Variants in L2HGDH observed in about 807,000 individuals in gnomAD.
The protein encoded by L2HGDH is L-2-hydroxyglutarate dehydrogenase, mitochondrial.
In L2HGDH, 34 loss-of-function variants were observed where a neutral mutation model predicts 51.5. The observed-to-expected ratio is 0.66, with a 90% CI of 0.50 to 0.88. The LOEUF is 0.88. Among genes scored for constraint, L2HGDH ranks in the 40% least tolerant of loss-of-function variants. The pLI is 0.00. For synonymous variants in L2HGDH, 198 were observed against 197.9 expected (o/e 1.00, Z -0.01); for missense variants, 558 against 571.9 (o/e 0.98, Z 0.25).
At chr14:50,303,575 A>C (rs755142228) in intron 1 of L2HGDH, among the ~76,000 whole-genome samples, 2 of 150,010 alleles carry the variant, frequency 1.3e-5, no homozygotes, top group Non-Finnish European at 3.0e-5. Flanking sequence ...TTAGGAGTTC[A>C]AGACCAGCCC....
intron 9 of L2HGDH, among the ~76,000 whole-genome samples, chr14:50,264,810 T>C (rs142075741): frequency 5.9e-5 from 9 of 151,766 alleles, no homozygotes; most frequent in African/African-American, 9.7e-5. Context: ...TAAAATAATA[T>C]GTACAATAAA....
At chr14:50,286,377 T>C (rs144258231) in intron 4 of L2HGDH, among the ~76,000 whole-genome samples, 1 of 152,064 alleles carries the variant, frequency 6.6e-6, no homozygotes, top group African/African-American at 2.4e-5. Flanking sequence ...AAAAGAGTTA[T>C]CCTCCCAAGT....
At chr14:50,309,886 C>T (rs542673585) in intron 1 of L2HGDH, among the ~76,000 whole-genome samples, 3 of 151,886 alleles carry the variant, frequency 2.0e-5, no homozygotes, top group Non-Finnish European at 4.4e-5. Flanking sequence ...GGGGTTTTGC[C>T]GTCTCCCTTT....
At chr14:50,305,074 G>A (rs1435096364) in intron 1 of L2HGDH, among the ~76,000 whole-genome samples, 3 of 152,134 alleles carry the variant, frequency 2.0e-5, no homozygotes, top group Non-Finnish European at 2.9e-5. Flanking sequence ...GGCTGTATCT[G>A]GAACCAGAAA....
At chr14:50,292,950 G>A (rs779328054) in intron 4 of L2HGDH, among the ~76,000 whole-genome samples, 2 of 151,916 alleles carry the variant, frequency 1.3e-5, no homozygotes, top group African/African-American at 2.4e-5. Flanking sequence ...CTTGCACTTT[G>A]GGAGGCCAAA....
At chr14:50,299,977 A>C (rs2030308804) in intron 3 of L2HGDH, 1 of 152,228 alleles carries the variant, frequency 6.6e-6, no homozygotes, top group African/African-American at 2.4e-5. Context: ...AAAGATAAAT[A>C]CTGCGTGATC....
At chr14:50,278,655 T>C (rs1890101946) in intron 5 of L2HGDH, 101 bp from the exon 6 acceptor site, 9 of 688,530 alleles carry the variant, frequency 1.3e-5, no homozygotes, top group Non-Finnish European at 2.1e-5. Flanking sequence ...TTTCTGTCAT[T>C]ACTATGATTG....
chr14:50,261,169 A>G (rs1465550860), intron 9 of L2HGDH, among the ~76,000 whole-genome samples: 1 of 152,114 alleles, frequency 6.6e-6, no homozygotes, highest in Non-Finnish European at 1.5e-5. Flanking sequence ...ATAAATAATT[A>G]TTTGGCTCAA....
chr14:50,278,475 G>A (rs779831533), intron 6 of L2HGDH, 45 bp downstream of exon 6: 7 of 1,267,044 alleles, frequency 5.5e-6, no homozygotes, highest in South Asian at 1.3e-5. Flanking sequence ...TTTAATAAAG[G>A]GGAGGGAAAG....
At chr14:50,278,474 G>A in intron 6 of L2HGDH, 46 bp downstream of exon 6, 2 of 1,260,616 alleles carry the variant, frequency 1.6e-6, no homozygotes, top group Non-Finnish European at 2.3e-6. Flanking sequence ...TTTTAATAAA[G>A]GGGAGGGAAA....
chr14:50,271,458 T>C (rs1386233242), intron 6 of L2HGDH, among the ~76,000 whole-genome samples: 1 of 152,262 alleles, frequency 6.6e-6, no homozygotes, highest in Non-Finnish European at 1.5e-5. Context: ...TTATGCTATA[T>C]GTGAAACAAT....
intron 9 of L2HGDH, among the ~76,000 whole-genome samples, chr14:50,263,245 C>T (rs1451589356): frequency 1.3e-5 from 2 of 152,168 alleles, no homozygotes; most frequent in East Asian, 1.9e-4. Context: ...TAAAACATCA[C>T]AAGTTTGCTA....
rs114040165 is a variant in L2HGDH at position 50,260,205 on chromosome 14, G to A, written c.1196+5153C>T. Among the ~76,000 whole-genome samples the A allele has an allele frequency of 5.2e-3, 784 of 151,586 alleles. 10 individuals carry two copies. Among genetic ancestry groups the A allele is most frequent in the African/African-American group, 0.017 (697 of 41,428 alleles). Reference sequence around the variant, plus strand: ...ACAAAGTTCCTTAATACTTCCCAGTGCCAAGGGGAATATTTTTTTTCCAGA... The same window carrying A: ...ACAAAGTTCCTTAATACTTCCCAGTACCAAGGGGAATATTTTTTTTCCAGA... On this transcript the variant is annotated intron_variant, in intron 9 of 9. Transcript: ENST00000267436.
intron 4 of L2HGDH, among the ~76,000 whole-genome samples, chr14:50,287,689 T>TC (rs1890635750): frequency 6.8e-6 from 1 of 148,140 alleles, no homozygotes; most frequent in South Asian, 2.1e-4. Context: ...TTTATTTTTT[T>TC]CCTTTTTTTT....
In L2HGDH at chr14:50,284,415, G is replaced by A. The variant is rs79054641; in HGVS notation, c.541-382C>T. 6.6e-5 allele frequency among the ~76,000 whole-genome samples: 10 copies of A among 152,286 alleles called. 2 individuals carry two copies. The Middle Eastern group carries it at 0.021, about 313-fold the overall frequency. ...CCCTATCTTTGAGACTACAAATATG[G>A]AATGGAGATTTTATGTGGTTAACTC... is the stretch of plus-strand genomic sequence containing the variant. On this transcript the variant is annotated intron_variant, in intron 4 of 9. Transcript: ENST00000267436.
At position 50,245,282 on chromosome 14, in the gene L2HGDH, T is replaced by A; in HGVS notation, c.*1776A>T. ...ATCAGAGATATAATAGATAAATAAC[T>A]TTTTTAAATTGGAGTTCTATACATC... On this transcript the variant is annotated 3_prime_UTR_variant, in exon 10 of 10. Transcript: ENST00000267436. 1.0e-6 allele frequency: 1 copy of A among 984,998 alleles called. No individual in the cohort carries two copies. The highest frequency in any genetic ancestry group is 1.2e-6 in the Non-Finnish European group (1 of 829,536). 61.0% of individuals were successfully genotyped at this position (984,998 alleles called of 1,614,324 possible). A position where few individuals can be genotyped will look rare whatever the true frequency, so the allele number is the denominator to read the frequency against.
chr14:50,252,215 G>T (rs561084859), intron 9 of L2HGDH, among the ~76,000 whole-genome samples: 1 of 152,004 alleles, frequency 6.6e-6, no homozygotes, highest in African/African-American at 2.4e-5. Context: ...AAAATAGTGG[G>T]TTATAAGATA....
chr14:50,306,699 G>A (rs983702458), intron 1 of L2HGDH, among the ~76,000 whole-genome samples: 3 of 151,556 alleles, frequency 2.0e-5, no homozygotes, highest in African/African-American at 2.4e-5. Context: ...GAGTAGAGTC[G>A]GATACCAGTT....
rs1266923951 is a variant in L2HGDH, at chr14:50,302,096, G to T, written c.329C>A (p.Ala110Asp). Reference sequence around the variant, plus strand: ...GGCTGCACCTTGTACACATAATTTGGCTTTCAGAGACTCAGGTTTATAATA... The same window carrying T: ...GGCTGCACCTTGTACACATAATTTGTCTTTCAGAGACTCAGGTTTATAATA... ...GIYYKPESLK[A>D]KLCVQGAALL... The change falls in exon 3 of 10, where the codon GCC becomes GAC. Residue 110 changes from alanine (A) to aspartate (D), a missense_variant. By Grantham distance (126) the Ala-to-Asp change is moderately radical. This residue lies in a region of L2HGDH where 194 missense variants were observed against 187.2 expected (regional missense o/e 1.04). Coordinates refer to ENST00000267436, the MANE Select transcript of L2HGDH (RefSeq NM_024884.3). 14 of 1,613,922 alleles carry T rather than the reference G, an allele frequency of 8.7e-6. No homozygotes were observed. Among genetic ancestry groups the T allele is most frequent in the African/African-American group, 1.3e-5 (1 of 74,886 alleles).
Sources: allele counts gnomAD v4.1 joint callset (sites outside exome capture counted in the v4.1 genomes callset), GRCh38; gene constraint gnomAD v4.1.1; regional missense constraint gnomAD v4.1.1; transcripts MANE v1.5; gene names NCBI Gene and HGNC (gene_info 2026-07-23, HGNC 2026-07-21).